ADAD1: variants seen among roughly 807,000 people sequenced by gnomAD.
ADAD1 encodes adenosine deaminase domain containing 1.
In ADAD1, 46 loss-of-function variants were observed where a neutral mutation model predicts 66.8. The observed-to-expected ratio is 0.69, with a 90% CI of 0.54 to 0.88. The LOEUF is 0.88. ADAD1 is among the 40% of genes least tolerant of loss of function. The pLI is 0.00. For synonymous variants in ADAD1, 248 were observed against 229.4 expected, an observed-to-expected ratio of 1.08 and a Z score of -0.73; for missense variants, 617 against 681.8, an observed-to-expected ratio of 0.91 and a Z score of 1.06.
At chr4:122,428,124 C>T (rs1368761502) in intron 12 of ADAD1, among the ~76,000 whole-genome samples, 1 of 152,010 alleles carries the variant, frequency 6.6e-6, no homozygotes, top group Non-Finnish European at 1.5e-5. Context: ...CAAAAATTAA[C>T]TCAAAGTGGA....
At chr4:122,381,326 T>G (rs1192066624) in intron 4 of ADAD1, 146 bp downstream of exon 4, 16 of 822,946 alleles carry the variant, frequency 1.9e-5, no homozygotes, top group Non-Finnish European at 2.8e-5. Context: ...ATGTTCACAC[T>G]TCTTTAGCCT....
chr4:122,386,654 A>G (rs1414235630), intron 5 of ADAD1, among the ~76,000 whole-genome samples: 1 of 151,846 alleles, frequency 6.6e-6, no homozygotes. Flanking sequence ...TCTTCTAGGG[A>G]TTTTATGGTT....
intron 12 of ADAD1, among the ~76,000 whole-genome samples, chr4:122,423,391 T>G (rs900774498): frequency 1.3e-5 from 2 of 152,174 alleles, no homozygotes; most frequent in Admixed American, 1.3e-4. Flanking sequence ...CATATTTTCC[T>G]GGCTGACTGA....
At chr4:122,404,347 A>G (rs892462068) in intron 7 of ADAD1, among the ~76,000 whole-genome samples, 6 of 152,086 alleles carry the variant, frequency 3.9e-5, no homozygotes, top group Non-Finnish European at 8.8e-5. Flanking sequence ...TAGGCTGGGG[A>G]CTGGGATCTC....
intron 7 of ADAD1, among the ~76,000 whole-genome samples, chr4:122,403,404 G>A (rs1300993217): frequency 1.3e-5 from 2 of 152,194 alleles, no homozygotes; most frequent in Non-Finnish European, 2.9e-5. Context: ...GCAGGGTAGC[G>A]AAGTGGACTC....
intron 6 of ADAD1, among the ~76,000 whole-genome samples, chr4:122,394,914 A>G (rs929017624): frequency 6.6e-6 from 1 of 152,196 alleles, no homozygotes; most frequent in African/African-American, 2.4e-5. Context: ...AAATTCTTTA[A>G]ATTTATGGGT....
rs146402927 is a variant in ADAD1, at chr4:122,399,929, C to T, written c.724+3552C>T. On this transcript the variant is annotated intron_variant, in intron 7 of 12. Transcript: ENST00000296513. Reference sequence around the variant, plus strand: ...GAATCTTTAGGGTGTTCTAGATATGCGATCATACCATCAGTGAACAGTGAC... The same window carrying T: ...GAATCTTTAGGGTGTTCTAGATATGTGATCATACCATCAGTGAACAGTGAC... Among the ~76,000 whole-genome samples the T allele has an allele frequency of 2.1e-4, 32 of 151,918 alleles. No homozygotes were observed. In the East Asian group the frequency reaches 5.0e-3, roughly 24 times the overall value.
chr4:122,408,103 T>G, intron 8 of ADAD1, 72 bp downstream of exon 8: 3 of 1,424,450 alleles, frequency 2.1e-6, no homozygotes, highest in Non-Finnish European at 2.8e-6. Context: ...TATAAATGTC[T>G]TCATTTACAA....
chr4:122,429,158 C>A (rs975236369), intron 12 of ADAD1, among the ~76,000 whole-genome samples: 1 of 151,554 alleles, frequency 6.6e-6, no homozygotes. Context: ...GAAAAACTGG[C>A]CAGGTGTGGT....
At chr4:122,390,068 C>T (rs950145267) in intron 5 of ADAD1, among the ~76,000 whole-genome samples, 1 of 152,140 alleles carries the variant, frequency 6.6e-6, no homozygotes, top group East Asian at 1.9e-4. Context: ...AATGAAATCC[C>T]TCAGCATTTG....
At chr4:122,420,242 A>C (rs79856775) in intron 11 of ADAD1, among the ~76,000 whole-genome samples, 90 of 152,350 alleles carry the variant, frequency 5.9e-4, no homozygotes, top group South Asian at 1.2e-3. Context: ...CTCAAAACTT[A>C]GTTGTTTAAA....
intron 12 of ADAD1, among the ~76,000 whole-genome samples, chr4:122,429,288 A>T (rs948343538): frequency 6.6e-6 from 1 of 151,994 alleles, no homozygotes; most frequent in Non-Finnish European, 1.5e-5. Context: ...AAAAAAAAAT[A>T]GCAGGGCATG....
intron 7 of ADAD1, among the ~76,000 whole-genome samples, chr4:122,399,219 AATAGG>A (rs1795855478): frequency 6.6e-6 from 1 of 152,120 alleles, no homozygotes; most frequent in South Asian, 2.1e-4. Context: ...TCATTTGCTG[AATAGG>A]ATGTCCTTTC....
At chr4:122,385,994 A>C (rs180992868) in intron 5 of ADAD1, among the ~76,000 whole-genome samples, 1 of 152,290 alleles carries the variant, frequency 6.6e-6, no homozygotes, top group Admixed American at 6.5e-5. Context: ...ATAGTGCTGC[A>C]GTAAACATAC....
intron 7 of ADAD1, among the ~76,000 whole-genome samples, chr4:122,398,317 GGT>G (rs112075307): frequency 0.61 from 90,257 of 148,466 alleles, 27,943 homozygotes; most frequent in East Asian, 0.8. Flanking sequence ...AGTATTCCAG[GGT>G]GTGTGTGTGT....
chr4:122,399,348 G>GTATACC (rs1795863872), intron 7 of ADAD1, among the ~76,000 whole-genome samples: 2 of 151,756 alleles, frequency 1.3e-5, no homozygotes, highest in Admixed American at 1.3e-4. Flanking sequence ...GTGCCTAGTT[G>GTATACC]TATACCAATA....
chr4:122,389,733 T>A (rs1031065411), intron 5 of ADAD1, among the ~76,000 whole-genome samples: 2 of 151,892 alleles, frequency 1.3e-5, no homozygotes, highest in African/African-American at 4.8e-5. Flanking sequence ...CCCTTTATTT[T>A]GAGCCTGTGT....
At chr4:122,409,762 A>G (rs981901605) in intron 8 of ADAD1, among the ~76,000 whole-genome samples, 1 of 151,898 alleles carries the variant, frequency 6.6e-6, no homozygotes, top group African/African-American at 2.4e-5. Context: ...TGCAATGGCG[A>G]GATCTCCACT....
chr4:122,393,534 A>G, intron 5 of ADAD1, 55 bp from the exon 6 acceptor site: 1 of 1,458,016 alleles, frequency 6.9e-7, no homozygotes, highest in East Asian at 2.4e-5. Context: ...AAGAAATACC[A>G]GCTCTTTGGA....
Sources: allele counts gnomAD v4.1 joint callset (sites outside exome capture counted in the v4.1 genomes callset), GRCh38; gene constraint gnomAD v4.1.1; transcripts MANE v1.5; gene names NCBI Gene and HGNC (gene_info 2026-07-23, HGNC 2026-07-21).